XPR1: variants seen among roughly 807,000 people sequenced by gnomAD.
The protein encoded by XPR1 is solute carrier family 53 member 1.
XPR1 carries 28 observed loss-of-function variants against 87.5 expected under a neutral mutation model. The ratio of observed to expected loss-of-function variants is 0.32; its 90% CI spans 0.24 to 0.44. XPR1 has a LOEUF of 0.44. XPR1 is among the 20% of genes least tolerant of loss of function. The pLI is 1.00. For synonymous variants in XPR1, 300 were observed against 306.1 expected (o/e 0.98, Z 0.21); for missense variants, 559 against 862.3 (o/e 0.65, Z 4.41).
At chr1:180,855,711 T>C (rs923877789) in intron 11 of XPR1, among the ~76,000 whole-genome samples, 3 of 151,800 alleles carry the variant, frequency 2.0e-5, no homozygotes, top group Admixed American at 6.6e-5. Flanking sequence ...ACTATAACTT[T>C]CATTGCTTTT....
At chr1:180,721,975 AC>A (rs1327811710) in intron 2 of XPR1, among the ~76,000 whole-genome samples, 1 of 152,120 alleles carries the variant, frequency 6.6e-6, no homozygotes, top group Non-Finnish European at 1.5e-5. Flanking sequence ...CAAAAGATGT[AC>A]GTAAGGCCAG....
At chr1:180,758,982 A>C (rs1047862698) in intron 2 of XPR1, among the ~76,000 whole-genome samples, 3 of 152,208 alleles carry the variant, frequency 2.0e-5, no homozygotes, top group East Asian at 3.8e-4. Flanking sequence ...CTGCTCAACT[A>C]CATGGAAACT....
At chr1:180,687,338 ATATT>A (rs2101952007) in intron 2 of XPR1, among the ~76,000 whole-genome samples, 1 of 152,284 alleles carries the variant, frequency 6.6e-6, no homozygotes, top group Non-Finnish European at 1.5e-5. Flanking sequence ...AAAATGACAA[ATATT>A]TATAGTTAAG....
intron 2 of XPR1, among the ~76,000 whole-genome samples, chr1:180,748,114 C>G (rs1647336854): frequency 6.6e-6 from 1 of 152,120 alleles, no homozygotes; most frequent in Non-Finnish European, 1.5e-5. Flanking sequence ...ACTGTGTTAC[C>G]ATTTACCACC....
At chr1:180,770,878 C>T (rs868084210) in intron 2 of XPR1, among the ~76,000 whole-genome samples, 5 of 151,998 alleles carry the variant, frequency 3.3e-5, no homozygotes, top group East Asian at 3.9e-4. Context: ...TCTCAACTCC[C>T]GCTTATTATT....
chr1:180,667,526 C>T (rs1263708644), intron 1 of XPR1, among the ~76,000 whole-genome samples: 1 of 152,150 alleles, frequency 6.6e-6, no homozygotes, highest in Admixed American at 6.5e-5. Context: ...AGGATTTTTG[C>T]ATCAAAGTTC....
intron 1 of XPR1, among the ~76,000 whole-genome samples, chr1:180,681,411 C>G (rs760913700): frequency 2.6e-5 from 4 of 152,014 alleles, no homozygotes; most frequent in African/African-American, 7.2e-5. Flanking sequence ...TTTGGGAGGC[C>G]GAGGAGGGCG....
intron 6 of XPR1, among the ~76,000 whole-genome samples, chr1:180,807,385 A>AT (rs529719376): frequency 1.1e-3 from 162 of 152,350 alleles, no homozygotes; most frequent in African/African-American, 3.8e-3. Context: ...CAAGACCAAT[A>AT]TGTAAAATCA....
intron 2 of XPR1, among the ~76,000 whole-genome samples, chr1:180,770,181 C>T (rs1648456106): frequency 6.6e-6 from 1 of 152,028 alleles, no homozygotes; most frequent in African/African-American, 2.4e-5. Context: ...TGAAAATTTC[C>T]CTTTCTTTCA....
chr1:180,656,454 T>C (rs186934485), intron 1 of XPR1, among the ~76,000 whole-genome samples: 577 of 10,696 alleles, frequency 0.054, 169 homozygotes, highest in Non-Finnish European at 0.081. Flanking sequence ...AATATTTATA[T>C]ATTTATATAT....
At chr1:180,654,488 G>T (rs1226265946) in intron 1 of XPR1, among the ~76,000 whole-genome samples, 2 of 151,770 alleles carry the variant, frequency 1.3e-5, no homozygotes, top group African/African-American at 4.8e-5. Flanking sequence ...TCATATTGTT[G>T]TGCAACCGTC....
At chr1:180,837,886 A>C (rs1046686090) in intron 11 of XPR1, among the ~76,000 whole-genome samples, 2 of 152,200 alleles carry the variant, frequency 1.3e-5, no homozygotes, top group African/African-American at 4.8e-5. Flanking sequence ...TTATGACTCC[A>C]TTTACTAAGT....
chr1:180,833,429 A>C (rs928158214), intron 9 of XPR1, among the ~76,000 whole-genome samples: 5 of 150,688 alleles, frequency 3.3e-5, no homozygotes, highest in Non-Finnish European at 7.4e-5. Context: ...TTTTCAAGAG[A>C]CCCATCTCAC....
intron 2 of XPR1, among the ~76,000 whole-genome samples, chr1:180,767,285 C>T (rs1648322969): frequency 1.3e-5 from 2 of 152,040 alleles, no homozygotes; most frequent in Non-Finnish European, 2.9e-5. Flanking sequence ...AAAATAAAAC[C>T]ATTATAGTAG....
intron 2 of XPR1, among the ~76,000 whole-genome samples, chr1:180,759,408 C>T (rs1258704225): frequency 5.3e-5 from 8 of 151,804 alleles, no homozygotes; most frequent in Admixed American, 1.3e-4. Flanking sequence ...ATCAGATAGG[C>T]GCAATAAAAA....
intron 12 of XPR1, among the ~76,000 whole-genome samples, chr1:180,866,869 A>G (rs1652413694): frequency 7.6e-6 from 1 of 130,912 alleles, no homozygotes; most frequent in Non-Finnish European, 1.6e-5. Flanking sequence ...TGTGCAGGTT[A>G]GTTACATATG....
At chr1:180,675,375 G>T (rs532107214) in intron 1 of XPR1, among the ~76,000 whole-genome samples, 193 of 152,212 alleles carry the variant, frequency 1.3e-3, no homozygotes, top group Middle Eastern at 3.4e-3. Context: ...ATAAGATAAG[G>T]ATAACATAGA....
intron 11 of XPR1, among the ~76,000 whole-genome samples, chr1:180,855,666 A>G (rs1248098052): frequency 1.3e-5 from 2 of 150,324 alleles, no homozygotes; most frequent in African/African-American, 2.4e-5. Flanking sequence ...GTGTCTCAAA[A>G]AAAAAAAAAA....
At chr1:180,863,417 G>A (rs770118002) in intron 11 of XPR1, among the ~76,000 whole-genome samples, 7 of 152,084 alleles carry the variant, frequency 4.6e-5, no homozygotes, top group Non-Finnish European at 7.4e-5. Context: ...AACATTCGAC[G>A]CCTTCATTGC....
Sources: allele counts gnomAD v4.1 joint callset (sites outside exome capture counted in the v4.1 genomes callset), GRCh38; gene constraint gnomAD v4.1.1; transcripts MANE v1.5; gene names NCBI Gene and HGNC (gene_info 2026-07-23, HGNC 2026-07-21).